KANK1: variants seen among roughly 807,000 people sequenced by gnomAD.
The protein encoded by KANK1 is KN motif and ankyrin repeat domain-containing protein 1.
In KANK1, 109 loss-of-function variants were observed where a neutral mutation model predicts 106.2. The observed-to-expected ratio is 1.03, with a 90% CI of 0.88 to 1.20. KANK1 has a LOEUF of 1.20. Among genes scored for constraint, KANK1 ranks in the 50% most tolerant of loss-of-function variants. The pLI, the probability that KANK1 is intolerant of heterozygous loss-of-function variation, is 0.00. For missense variants in KANK1, 2,399 were observed against 1,710.7 expected (o/e 1.40, Z -7.10); for synonymous variants, 873 against 652.2 (o/e 1.34, Z -5.16).
chr9:541,316 C>G (rs2060585459), intron 1 of KANK1, among the ~76,000 whole-genome samples: 1 of 152,070 alleles, frequency 6.6e-6, no homozygotes, highest in African/African-American at 2.4e-5. Context: ...GCCAAGAACA[C>G]ACAATGGGGA....
rs571625684 is a variant in KANK1, at chr9:739,063, A to G, written c.3553+559A>G. Among the ~76,000 whole-genome samples the G allele has an allele frequency of 2.3e-4, 35 of 152,322 alleles. No individual in the cohort carries two copies. The South Asian group carries it at 7.2e-3, about 32-fold the overall frequency. On this transcript the variant is annotated intron_variant, in intron 8 of 11. Transcript: ENST00000382297. The stretch of plus-strand genomic sequence containing the variant: ...AACAGCATAGAGCAAAGGGCATGTT[A>G]TTCTTGTCTCTCAACCATAATAGAA...
intron 1 of KANK1, among the ~76,000 whole-genome samples, chr9:528,070 T>C (rs2059880867): frequency 6.6e-6 from 1 of 151,466 alleles, no homozygotes; most frequent in African/African-American, 2.4e-5. Flanking sequence ...GAGGTGGAGC[T>C]TGCAGTGAGC....
rs767917266 is a variant in KANK1, at chr9:712,083, C to T, written c.1317C>T (p.Ser439=). The change falls in exon 3 of 12, where the codon AGC becomes AGT. Residue 439 remains serine, a synonymous_variant. Coordinates refer to ENST00000382297, the MANE Select transcript of KANK1 (RefSeq NM_015158.5). ...TLVEMRNCGV[S]VTEAMLGVMT... Reference sequence around the variant, plus strand: ...TTGAGATGAGAAATTGTGGGGTCAGCGTGACAGAGGCCATGCTTGGAGTGA... The same window carrying T: ...TTGAGATGAGAAATTGTGGGGTCAGTGTGACAGAGGCCATGCTTGGAGTGA... 1.0e-4 allele frequency: 163 copies of T among 1,613,926 alleles called. No homozygotes were observed. The highest frequency in any genetic ancestry group is 1.3e-4 in the Non-Finnish European group (151 of 1,180,016).
At chr9:660,013 T>C in intron 1 of KANK1, 1 of 305,144 alleles carries the variant, frequency 3.3e-6, no homozygotes. Flanking sequence ...CCTCCACTCT[T>C]TCCACCCCTT....
At chr9:629,356 C>T (rs1422406345) in intron 1 of KANK1, among the ~76,000 whole-genome samples, 3 of 152,164 alleles carry the variant, frequency 2.0e-5, no homozygotes, top group Admixed American at 6.5e-5. Flanking sequence ...TCTCTTCCCC[C>T]AGCCACAGTG....
intron 6 of KANK1, chr9:732,986 A>G (rs1336001402): frequency 5.6e-6 from 1 of 179,648 alleles, no homozygotes; most frequent in Non-Finnish European, 1.2e-5. Context: ...TTAGCCATTT[A>G]TCTTGATACA....
chr9:669,044 C>T (rs1319724980), intron 1 of KANK1, among the ~76,000 whole-genome samples: 1 of 151,848 alleles, frequency 6.6e-6, no homozygotes, highest in Non-Finnish European at 1.5e-5. Flanking sequence ...TGTCTTAGAT[C>T]ACAAAAAAAA....
At chr9:627,304 C>T (rs1834581634) in intron 1 of KANK1, among the ~76,000 whole-genome samples, 1 of 152,102 alleles carries the variant, frequency 6.6e-6, no homozygotes, top group African/African-American at 2.4e-5. Flanking sequence ...GATTTGAGTA[C>T]CCAGGGCTAC....
At chr9:668,991 C>A (rs1419657732) in intron 1 of KANK1, among the ~76,000 whole-genome samples, 2 of 152,092 alleles carry the variant, frequency 1.3e-5, no homozygotes, top group Non-Finnish European at 2.9e-5. Context: ...TCCTAACATG[C>A]GACGGACCAG....
intron 1 of KANK1, among the ~76,000 whole-genome samples, chr9:599,434 T>G (rs1268420601): frequency 6.6e-6 from 1 of 151,910 alleles, no homozygotes; most frequent in Non-Finnish European, 1.5e-5. Flanking sequence ...AAGTTTGATA[T>G]ACATCCTTCT....
chr9:630,601 G>C (rs1296572644), intron 1 of KANK1, among the ~76,000 whole-genome samples: 1 of 150,696 alleles, frequency 6.6e-6, no homozygotes, highest in Non-Finnish European at 1.5e-5. Context: ...GAAGGTGAGA[G>C]AGGCTGCAGA....
At chr9:697,576 T>G (rs1821628514) in intron 2 of KANK1, among the ~76,000 whole-genome samples, 1 of 152,168 alleles carries the variant, frequency 6.6e-6, no homozygotes, top group Non-Finnish European at 1.5e-5. Context: ...TAGCCTTAGC[T>G]AGTGATTCCT....
chr9:700,088 G>A lies in KANK1; in HGVS notation c.38-10716G>A, dbSNP rs541860120. Among the ~76,000 whole-genome samples the A allele has an allele frequency of 2.4e-4, 36 of 152,312 alleles. 2 individuals carry two copies. The South Asian group carries it at 7.3e-3, about 31-fold the overall frequency. On this transcript the variant is annotated intron_variant, in intron 2 of 11. Coordinates refer to ENST00000382297, the MANE Select transcript of KANK1 (RefSeq NM_015158.5). Reference sequence around the variant, plus strand: ...AAACTCTGTGAGGAGAAGCATTTCAGGCTTCTTAGAAAAAGCCTAGCACGT... The same window carrying A: ...AAACTCTGTGAGGAGAAGCATTTCAAGCTTCTTAGAAAAAGCCTAGCACGT...
In KANK1 at chr9:561,197, T is replaced by A. The variant is rs373171428; in HGVS notation, c.-84+56443T>A. ...ATTCTCAACTTCAGGGGGGCAGGAT[T>A]GGAATTTATGGGTAGACATAAGAAG... is the stretch of plus-strand genomic sequence containing the variant. On this transcript the variant is annotated intron_variant, in intron 1 of 11. Transcript: ENST00000382297. Among the ~76,000 whole-genome samples, 21 of 152,270 alleles carry A rather than the reference T, an allele frequency of 1.4e-4. No individual in the cohort carries two copies. The East Asian group carries it at 3.5e-3, about 25-fold the overall frequency.
Position 740,059 on chromosome 9 carries a change from A to G in KANK1, c.3554-733A>G, listed in dbSNP as rs1010487237. ...GAAACATTCTGAACATTTTAACTTC[A>G]TATTTGGTCCCACATAAAAGCTGCT... On this transcript the variant is annotated intron_variant, in intron 8 of 11. Transcript: ENST00000382297. Among the ~76,000 whole-genome samples, 7 of 152,170 alleles carry G rather than the reference A, an allele frequency of 4.6e-5. No homozygotes were observed. The East Asian group carries it at 9.6e-4, about 21-fold the overall frequency.
rs1423446671 is a variant in KANK1, at chr9:520,455, G to A, written c.-84+15701G>A. Reference sequence around the variant, plus strand: ...TGGCTGAAGAAAGTCATATGGCCAGGCCTGCCAGCAATGTGGTAGAGAAGT... The same window carrying A: ...TGGCTGAAGAAAGTCATATGGCCAGACCTGCCAGCAATGTGGTAGAGAAGT... On this transcript the variant is annotated intron_variant, in intron 1 of 11. Transcript: ENST00000382297. Among the ~76,000 whole-genome samples the A allele has an allele frequency of 1.3e-5, 2 of 151,742 alleles. 1 individual carries two copies. Among genetic ancestry groups the A allele is most frequent in the African/African-American group, 4.9e-5 (2 of 41,050 alleles).
intron 1 of KANK1, among the ~76,000 whole-genome samples, chr9:672,245 A>G (rs1403043166): frequency 6.6e-6 from 1 of 152,198 alleles, no homozygotes; most frequent in Non-Finnish European, 1.5e-5. Flanking sequence ...TATGTATACA[A>G]TGGAGAGAAG....
chr9:686,568 T>A (rs1043962961), intron 2 of KANK1, among the ~76,000 whole-genome samples: 1 of 152,026 alleles, frequency 6.6e-6, no homozygotes, highest in Non-Finnish European at 1.5e-5. Flanking sequence ...ATTTCAACAA[T>A]GCAGCTTACA....
At chr9:618,883 C>T (rs1832495586) in intron 1 of KANK1, among the ~76,000 whole-genome samples, 2 of 152,084 alleles carry the variant, frequency 1.3e-5, no homozygotes, top group East Asian at 1.9e-4. Context: ...TCCATGGCTC[C>T]TCACGAGCCT....
Sources: gnomAD v4.1 joint callset for allele counts (sites outside exome capture counted in the v4.1 genomes callset) on GRCh38, gnomAD v4.1.1 for gene constraint, MANE v1.5 for transcripts, NCBI Gene and HGNC (gene_info 2026-07-23, HGNC 2026-07-21) for gene names.